Variants in FBRSL1 observed in about 807,000 individuals in gnomAD.
The protein encoded by FBRSL1 is fibrosin-1-like protein.
Under a neutral mutation model 89.6 loss-of-function variants are expected in FBRSL1, and 51 were observed. The ratio of observed to expected loss-of-function variants is 0.57; its 90% CI spans 0.45 to 0.72. The LOEUF (loss-of-function observed/expected upper bound fraction) is 0.72. Ranked by LOEUF, FBRSL1 falls within the 30% of genes least tolerant of loss-of-function variation. FBRSL1 has a pLI of 0.00. For missense variants in FBRSL1, 1,618 were observed against 1,451.8 expected (o/e 1.11, Z -1.86); for synonymous variants, 779 against 681.1 (o/e 1.14, Z -2.24).
chr12:132,546,514 G>A lies in FBRSL1; in HGVS notation c.616-1489G>A, dbSNP rs1215724697. On this transcript the variant is annotated intron_variant, in intron 4 of 18. Coordinates refer to ENST00000680143, the MANE Select transcript of FBRSL1 (RefSeq NM_001367871.1). This position sits in a 1 kb window ranked among gnomAD's most constrained non-coding sequence, Gnocchi z 4.0. ...CACGGCTGAAAGGCCAGACCGGGGGGACCCTAGGAGAGGGCTTGGCCACGG... is the reference window on the plus strand; with the variant it reads ...CACGGCTGAAAGGCCAGACCGGGGGAACCCTAGGAGAGGGCTTGGCCACGG... Among the ~76,000 whole-genome samples the A allele has an allele frequency of 6.6e-6, 1 of 152,002 alleles. No individual in the cohort carries two copies. The highest frequency in any genetic ancestry group is 1.5e-5 in the Non-Finnish European group (1 of 67,934).
chr12:132,570,132 C>T lies in FBRSL1; in HGVS notation c.898C>T (p.Gln300Ter). 1.4e-6 allele frequency: 2 copies of T among 1,477,882 alleles called. No individual in the cohort carries two copies. Among genetic ancestry groups the T allele is most frequent in the Non-Finnish European group, 1.8e-6 (2 of 1,123,496 alleles). 91.5% of individuals were successfully genotyped at this position (1,477,882 alleles called of 1,614,324 possible). The change falls in exon 7 of 19, where the codon CAG becomes TAG. Residue 300 changes from glutamine to a stop codon, truncating the protein, a stop_gained. Coordinates refer to ENST00000680143, the MANE Select transcript of FBRSL1 (RefSeq NM_001367871.1). LOFTEE classifies it high-confidence loss of function. Reference sequence around the variant, plus strand: ...CCCCGCCCCGCACCGCCACACCCCGCAGCCGCCACCCCCGCAGCCCCGCGG... The same window carrying T: ...CCCCGCCCCGCACCGCCACACCCCGTAGCCGCCACCCCCGCAGCCCCGCGG... ...EPPAPHRHTP[Q>*]PPPPQPRGLL...
intron 1 of FBRSL1, among the ~76,000 whole-genome samples, chr12:132,500,017 C>T (rs1251331632): frequency 1.3e-5 from 2 of 152,128 alleles, no homozygotes; most frequent in African/African-American, 2.4e-5. Flanking sequence ...AAGGTCTCCA[C>T]GCCCGTCTTC....
intron 17 of FBRSL1, 99 bp from the exon 18 acceptor site, chr12:132,581,963 G>A (rs145991281): frequency 0.018 from 23,783 of 1,305,332 alleles, 273 homozygotes; most frequent in Non-Finnish European, 0.022. Flanking sequence ...CCTTCTCAGT[G>A]TCAGCCTGGG....
chr12:132,544,913 C>T (rs1240876238), intron 4 of FBRSL1, among the ~76,000 whole-genome samples: 1 of 152,178 alleles, frequency 6.6e-6, no homozygotes, highest in African/African-American at 2.4e-5. Flanking sequence ...GTATAATGTA[C>T]TGACTATATA....
intron 1 of FBRSL1, among the ~76,000 whole-genome samples, chr12:132,497,805 C>T (rs1329914114): frequency 6.6e-6 from 1 of 152,208 alleles, no homozygotes. Flanking sequence ...ATGACAAAGC[C>T]ATTTGTCCCT....
chr12:132,534,583 G>T (rs772060853), intron 4 of FBRSL1, among the ~76,000 whole-genome samples: 1 of 152,250 alleles, frequency 6.6e-6, no homozygotes, highest in Non-Finnish European at 1.5e-5. Flanking sequence ...GCGGGCACGC[G>T]CTCTTTTATC....
chr12:132,514,127 G>A (rs769266521), intron 2 of FBRSL1, among the ~76,000 whole-genome samples: 10 of 152,190 alleles, frequency 6.6e-5, no homozygotes, highest in Middle Eastern at 3.2e-3. Context: ...CTCTGTTCTC[G>A]CGTCAGGGCT....
In FBRSL1 at chr12:132,546,013, T is replaced by G. The variant is rs547190646; in HGVS notation, c.616-1990T>G. On this transcript the variant is annotated intron_variant, in intron 4 of 18. Transcript: ENST00000680143. The surrounding 1 kb of genome is among the most constrained non-coding windows in gnomAD (Gnocchi z 4.0). Reference sequence around the variant, plus strand: ...CTCTCGGCCCTCCCCAGGCTCCCCATGTGCAGAGGGCATCCTTGGCACAGT... The same window carrying G: ...CTCTCGGCCCTCCCCAGGCTCCCCAGGTGCAGAGGGCATCCTTGGCACAGT... Among the ~76,000 whole-genome samples, 1 of 152,180 alleles carries G rather than the reference T, an allele frequency of 6.6e-6. No homozygotes were observed. Among genetic ancestry groups the G allele is most frequent in the African/African-American group, 2.4e-5 (1 of 41,454 alleles).
chr12:132,577,507 G>A (rs189313851), intron 15 of FBRSL1, among the ~76,000 whole-genome samples: 5 of 152,080 alleles, frequency 3.3e-5, no homozygotes, highest in South Asian at 2.1e-4. Flanking sequence ...GCCCAGCTGC[G>A]GTGGTTTCCT....
At chr12:132,569,396 CCAGGGGGTTCCAGAA>C (rs2039855250) in intron 6 of FBRSL1, among the ~76,000 whole-genome samples, 1 of 152,104 alleles carries the variant, frequency 6.6e-6, no homozygotes. Context: ...AAGCCTTCCA[CCAGGGGGTTCCAGAA>C]AGAAAAGGTG....
rs1212389803 is a variant in FBRSL1 at position 132,524,910 on chromosome 12, G to A, written c.490-824G>A. On this transcript the variant is annotated intron_variant, in intron 2 of 18. Coordinates refer to ENST00000680143, the MANE Select transcript of FBRSL1 (RefSeq NM_001367871.1). ...CTGCATGGTCACTTAACCTGTCTGC[G>A]CCTCTGTTTTCTCATCCGTGAAATG... 3.3e-5 allele frequency among the ~76,000 whole-genome samples: 5 copies of A among 152,186 alleles called. No individual in the cohort carries two copies. The East Asian group carries it at 5.8e-4, about 18-fold the overall frequency.
In FBRSL1 at chr12:132,499,638, A is replaced by G. The variant is rs1455507405; in HGVS notation, c.292-8515A>G. Among the ~76,000 whole-genome samples, 4 of 151,212 alleles carry G rather than the reference A, an allele frequency of 2.6e-5. No individual in the cohort carries two copies. The highest frequency in any genetic ancestry group is 2.0e-4 in the Admixed American group (3 of 15,218). On this transcript the variant is annotated intron_variant, in intron 1 of 18. Transcript: ENST00000680143. This position sits in a 1 kb window ranked among gnomAD's most constrained non-coding sequence, Gnocchi z 4.3. Reference sequence around the variant, plus strand: ...CCCGAGAGCCCGTCAGGAAGGGCACATGTAGCAGGTGGTACAGGTTTGGGG... The same window carrying G: ...CCCGAGAGCCCGTCAGGAAGGGCACGTGTAGCAGGTGGTACAGGTTTGGGG...
chr12:132,533,663 C>G (rs1357193675), intron 4 of FBRSL1, among the ~76,000 whole-genome samples: 1 of 152,260 alleles, frequency 6.6e-6, no homozygotes, highest in Non-Finnish European at 1.5e-5. Context: ...CCACCTGTCC[C>G]TCGTCTGCCA....
At chr12:132,509,373 C>T (rs1393775480) in intron 2 of FBRSL1, 2 of 1,243,770 alleles carry the variant, frequency 1.6e-6, no homozygotes, top group Non-Finnish European at 2.0e-6. Context: ...GCGGTCACTT[C>T]TGGGCCTGAA....
intron 4 of FBRSL1, among the ~76,000 whole-genome samples, chr12:132,547,470 C>T (rs1291287785): frequency 6.6e-6 from 1 of 152,256 alleles, no homozygotes; most frequent in East Asian, 1.9e-4. Flanking sequence ...CTGCCAGCCC[C>T]TCCTCTGCCC....
At chr12:132,545,014 C>T (rs543660993) in intron 4 of FBRSL1, among the ~76,000 whole-genome samples, 144 of 152,324 alleles carry the variant, frequency 9.5e-4, no homozygotes, top group African/African-American at 3.4e-3. Context: ...GTAAATTGTT[C>T]CTATTTACAG....
chr12:132,531,235 G>A (rs1285018073), intron 4 of FBRSL1, among the ~76,000 whole-genome samples: 5 of 148,536 alleles, frequency 3.4e-5, no homozygotes, highest in Non-Finnish European at 5.9e-5. Flanking sequence ...GGACCCAGGA[G>A]CAGGCGAGGG....
intron 15 of FBRSL1, among the ~76,000 whole-genome samples, chr12:132,578,511 T>A (rs575808389): frequency 6.6e-6 from 1 of 152,310 alleles, no homozygotes; most frequent in South Asian, 2.1e-4. Context: ...GGAGGAAATC[T>A]GTGTCTAAGT....
chr12:132,559,970 C>T (rs1386927060), intron 5 of FBRSL1: 1 of 147,744 alleles, frequency 6.8e-6, no homozygotes, highest in Non-Finnish European at 1.5e-5. Context: ...GCGCGCCCAG[C>T]TCCGCGCCCG....
Sources: gnomAD v4.1 joint callset for allele counts (sites outside exome capture counted in the v4.1 genomes callset) on GRCh38, gnomAD v4.1.1 for gene constraint, Gnocchi (gnomAD v3.1) non-coding constraint, MANE v1.5 for transcripts, NCBI Gene and HGNC (gene_info 2026-07-23, HGNC 2026-07-21) for gene names.